Variants in CSMD1 observed in about 807,000 individuals in gnomAD.
CSMD1 encodes CUB and Sushi multiple domains 1.
CSMD1 carries 213 observed loss-of-function variants against 417.5 expected under a neutral mutation model. The ratio of observed to expected loss-of-function variants is 0.51; its 90% CI spans 0.46 to 0.57. The LOEUF (loss-of-function observed/expected upper bound fraction) is 0.57. Ranked by LOEUF, CSMD1 falls within the 20% of genes least tolerant of loss-of-function variation. CSMD1 has a pLI of 0.00. For missense variants in CSMD1, 6,923 were observed against 4,529.7 expected, an observed-to-expected ratio of 1.53 and a Z score of -15.17; for synonymous variants, 2,862 against 1,736.8, an observed-to-expected ratio of 1.65 and a Z score of -16.11.
chr8:2,949,250 GA>G (rs1315287735), intron 68 of CSMD1, 48 bp downstream of exon 68: 1 of 1,064,458 alleles, frequency 9.4e-7, no homozygotes, highest in African/African-American at 1.6e-5. Flanking sequence ...AACATCATTG[GA>G]AAGCCAAACT....
intron 1 of CSMD1, among the ~76,000 whole-genome samples, chr8:4,707,809 C>T (rs1808037766): frequency 6.8e-6 from 1 of 146,102 alleles, no homozygotes; most frequent in Non-Finnish European, 1.5e-5. Context: ...ATCGCTTGAA[C>T]TCGGGAGGGA....
At chr8:4,943,462 C>T (rs868711283) in intron 1 of CSMD1, among the ~76,000 whole-genome samples, 26 of 151,562 alleles carry the variant, frequency 1.7e-4, no homozygotes, top group Middle Eastern at 3.4e-3. Context: ...CACCACTGCA[C>T]TCCAGCTTGG....
intron 40 of CSMD1, among the ~76,000 whole-genome samples, chr8:3,145,043 T>TTGTGTGTG (rs34827109): frequency 0.018 from 2,582 of 146,774 alleles, 82 homozygotes; most frequent in African/African-American, 0.064. Flanking sequence ...GAGTAAAGAG[T>TTGTGTGTG]TGTGTGTGTG....
intron 3 of CSMD1, among the ~76,000 whole-genome samples, chr8:4,351,964 T>TTTC (rs932567641): frequency 6.7e-4 from 100 of 149,710 alleles, no homozygotes; most frequent in African/African-American, 2.4e-3. Context: ...TTTTTTTTTT[T>TTTC]CAGAAAAAAA....
intron 3 of CSMD1, among the ~76,000 whole-genome samples, chr8:4,196,432 C>G (rs148847629): frequency 2.6e-5 from 4 of 152,114 alleles, no homozygotes; most frequent in East Asian, 1.9e-4. Flanking sequence ...GGCTACAGTC[C>G]TTTCTGAAGC....
chr8:4,243,098 G>A (rs756309869), intron 3 of CSMD1, among the ~76,000 whole-genome samples: 9 of 152,014 alleles, frequency 5.9e-5, no homozygotes, highest in Admixed American at 4.6e-4. Context: ...CTTAGAATCC[G>A]GAACATGTTC....
At chr8:4,194,723 G>A (rs73658466) in intron 3 of CSMD1, among the ~76,000 whole-genome samples, 4,405 of 152,020 alleles carry the variant, frequency 0.029, 244 homozygotes, top group African/African-American at 0.1. Context: ...TTCAAATTAT[G>A]CTTAACAGAT....
chr8:4,118,349 C>T (rs1802280448), intron 3 of CSMD1, among the ~76,000 whole-genome samples: 1 of 151,602 alleles, frequency 6.6e-6, no homozygotes, highest in South Asian at 2.1e-4. Flanking sequence ...TGCAATCTAC[C>T]CATCTGACAA....
intron 1 of CSMD1, among the ~76,000 whole-genome samples, chr8:4,979,723 A>G (rs1412234802): frequency 2.6e-5 from 4 of 152,246 alleles, no homozygotes; most frequent in African/African-American, 7.2e-5. Flanking sequence ...TATACAGATC[A>G]AATCATATTG....
intron 7 of CSMD1, among the ~76,000 whole-genome samples, chr8:3,690,914 T>A (rs2623604): frequency 6.6e-6 from 1 of 152,090 alleles, no homozygotes; most frequent in Non-Finnish European, 1.5e-5. Flanking sequence ...AACAAATAAA[T>A]TGAATAATTA....
chr8:4,688,135 G>C (rs535655134), intron 1 of CSMD1, among the ~76,000 whole-genome samples: 2 of 152,272 alleles, frequency 1.3e-5, no homozygotes, highest in Non-Finnish European at 2.9e-5. Context: ...TGAGGTATTT[G>C]ATTCTAAGGT....
At chr8:4,669,142 T>C (rs1805131689) in intron 1 of CSMD1, among the ~76,000 whole-genome samples, 1 of 152,208 alleles carries the variant, frequency 6.6e-6, no homozygotes, top group African/African-American at 2.4e-5. Context: ...TTCTCCCTAT[T>C]TCCTTCTTCG....
intron 5 of CSMD1, among the ~76,000 whole-genome samples, chr8:3,798,643 AATAC>A (rs1165606998): frequency 1.3e-5 from 2 of 152,174 alleles, no homozygotes; most frequent in African/African-American, 4.8e-5. Flanking sequence ...CTATATAAAA[AATAC>A]ATACATTTAT....
chr8:4,323,687 A>T (rs944954472), intron 3 of CSMD1, among the ~76,000 whole-genome samples: 1 of 152,288 alleles, frequency 6.6e-6, no homozygotes, highest in East Asian at 1.9e-4. Flanking sequence ...TTATATAGGA[A>T]ATGTATAAAA....
intron 8 of CSMD1, among the ~76,000 whole-genome samples, chr8:3,595,910 G>C (rs1010544608): frequency 2.0e-5 from 3 of 152,128 alleles, no homozygotes; most frequent in African/African-American, 4.8e-5. Context: ...TCATGGCTTG[G>C]GAAGGAGCTT....
At chr8:4,185,138 C>CAA (rs56216926) in intron 3 of CSMD1, among the ~76,000 whole-genome samples, 71 of 75,114 alleles carry the variant, frequency 9.5e-4, no homozygotes, top group African/African-American at 3.8e-3. Flanking sequence ...AATTTTGCCT[C>CAA]AAAAAAAAAA....
At chr8:4,907,131 G>T (rs143824355) in intron 1 of CSMD1, among the ~76,000 whole-genome samples, 8 of 152,228 alleles carry the variant, frequency 5.3e-5, no homozygotes, top group Non-Finnish European at 1.0e-4. Flanking sequence ...GTGTGCAAGA[G>T]TTAGGGAATA....
intron 12 of CSMD1, among the ~76,000 whole-genome samples, chr8:3,426,051 T>G (rs1227555468): frequency 2.0e-5 from 3 of 152,180 alleles, no homozygotes; most frequent in Non-Finnish European, 4.4e-5. Flanking sequence ...AATCTGAAAA[T>G]ATTCTTGATA....
At chr8:4,454,809 T>G (rs574838879) in intron 2 of CSMD1, among the ~76,000 whole-genome samples, 1 of 152,160 alleles carries the variant, frequency 6.6e-6, no homozygotes, top group Non-Finnish European at 1.5e-5. Context: ...GAAGTGAAAA[T>G]TATCTCAACC....
Sources: allele counts gnomAD v4.1 joint callset (sites outside exome capture counted in the v4.1 genomes callset), GRCh38; gene constraint gnomAD v4.1.1; transcripts MANE v1.5; gene names NCBI Gene and HGNC (gene_info 2026-07-23, HGNC 2026-07-21).